Variants in GAS2 observed in about 807,000 individuals in gnomAD.
The protein encoded by GAS2 is growth arrest-specific protein 2.
In GAS2, 20 loss-of-function variants were observed where a neutral mutation model predicts 37.5. That is an observed-to-expected ratio of 0.53 (90% confidence interval 0.37 to 0.77). The LOEUF (loss-of-function observed/expected upper bound fraction) is 0.77. Ranked by LOEUF, GAS2 falls within the 30% of genes least tolerant of loss-of-function variation. The pLI, the probability that GAS2 is intolerant of heterozygous loss-of-function variation, is 0.00. For missense variants in GAS2, 336 were observed against 373.4 expected (o/e 0.90, Z 0.82); for synonymous variants, 144 against 132.2 (o/e 1.09, Z -0.61).
At chr11:22,650,069 C>T (rs1848754525) in intron 1 of GAS2, among the ~76,000 whole-genome samples, 1 of 151,728 alleles carries the variant, frequency 6.6e-6, no homozygotes, top group Non-Finnish European at 1.5e-5. Context: ...CTATAAATTT[C>T]CCTCTACACA....
At chr11:22,751,981 T>C (rs10766964) in intron 6 of GAS2, among the ~76,000 whole-genome samples, 140,591 of 152,006 alleles carry the variant, frequency 0.92, 65,976 homozygotes, top group East Asian at 1. Context: ...GAATTTAGAA[T>C]ATAAACATCT....
chr11:22,708,989 G>A (rs1851263502), intron 3 of GAS2, among the ~76,000 whole-genome samples: 1 of 152,148 alleles, frequency 6.6e-6, no homozygotes, highest in African/African-American at 2.4e-5. Context: ...ACAAATGCTA[G>A]CATGGCTACA....
chr11:22,681,441 C>G (rs372476190), intron 2 of GAS2, among the ~76,000 whole-genome samples: 3 of 152,120 alleles, frequency 2.0e-5, no homozygotes, highest in African/African-American at 7.2e-5. Context: ...TCAAATATCG[C>G]AATTATAAAT....
chr11:22,745,902 G>A (rs373617092), intron 5 of GAS2, among the ~76,000 whole-genome samples: 38 of 152,202 alleles, frequency 2.5e-4, no homozygotes, highest in Middle Eastern at 6.8e-3. Flanking sequence ...AGGCACAATG[G>A]CTGACACCTG....
At chr11:22,705,564 T>C (rs1851074375) in intron 3 of GAS2, among the ~76,000 whole-genome samples, 1 of 152,184 alleles carries the variant, frequency 6.6e-6, no homozygotes, top group African/African-American at 2.4e-5. Flanking sequence ...TATGAACATA[T>C]AATAATATAG....
chr11:22,768,512 C>A (rs1397188176), intron 7 of GAS2, among the ~76,000 whole-genome samples: 1 of 152,210 alleles, frequency 6.6e-6, no homozygotes, highest in Non-Finnish European at 1.5e-5. Context: ...TTATGGAAAA[C>A]TGCCTTCTCT....
At chr11:22,651,050 C>G (rs960934406) in intron 1 of GAS2, among the ~76,000 whole-genome samples, 1 of 152,180 alleles carries the variant, frequency 6.6e-6, no homozygotes, top group Non-Finnish European at 1.5e-5. Flanking sequence ...TTTGCAGCAG[C>G]TGGTATCGGT....
Position 22,661,277 on chromosome 11 carries a change from C to A in GAS2, c.-20-13573C>A, listed in dbSNP as rs564720424. Among the ~76,000 whole-genome samples the A allele has an allele frequency of 5.5e-4, 84 of 152,258 alleles. 2 individuals are homozygous for A. In the South Asian group the frequency reaches 0.017, roughly 30 times the overall value. On this transcript the variant is annotated intron_variant, in intron 1 of 5. Coordinates refer to the GAS2 transcript ENST00000528582. ...AGTTCTTGCTGAATCCCGTCTATCA[C>A]CCAATGGCACCCACTTTTTCCTCCC...
chr11:22,637,756 T>G (rs1858856573), intron 1 of GAS2, among the ~76,000 whole-genome samples: 2 of 144,872 alleles, frequency 1.4e-5, no homozygotes, highest in Non-Finnish European at 3.0e-5. Context: ...TAAATGTAAA[T>G]TAATTTATAT....
intron 7 of GAS2, among the ~76,000 whole-genome samples, chr11:22,804,906 G>GGAAGAGTTCTTGGATGAAGTATATA (rs1412460227): frequency 1.3e-5 from 2 of 152,102 alleles, no homozygotes; most frequent in Non-Finnish European, 1.5e-5. Context: ...TCTGTGAGAT[G>GGAAGAGTTCTTGGATGAAGTATATA]GAAGAGTTCT....
At chr11:22,732,420 A>T (rs530417715) in intron 4 of GAS2, among the ~76,000 whole-genome samples, 1 of 151,868 alleles carries the variant, frequency 6.6e-6, no homozygotes, top group South Asian at 2.1e-4. Flanking sequence ...TGGATGCCAT[A>T]TTCTATTTTA....
Position 22,727,718 on chromosome 11 carries a change from T to C in GAS2, c.409+1285T>C, listed in dbSNP as rs114621939. On this transcript the variant is annotated intron_variant, in intron 4 of 7. Transcript: ENST00000454584. ...AAATAAATCAGCTTTTGATTATTAT[T>C]ACCATTTCCTCATATCAAAGTAAAA... 7.2e-3 allele frequency among the ~76,000 whole-genome samples: 1,093 copies of C among 152,170 alleles called. 21 individuals are homozygous for C. The highest frequency in any genetic ancestry group is 0.025 in the African/African-American group (1,036 of 41,550).
At chr11:22,709,119 A>C (rs531667251) in intron 3 of GAS2, among the ~76,000 whole-genome samples, 70 of 152,148 alleles carry the variant, frequency 4.6e-4, no homozygotes, top group Non-Finnish European at 8.4e-4. Flanking sequence ...GAAGATTTTT[A>C]AGCAGAGAAA....
At chr11:22,722,706 T>C (rs752068033) in intron 3 of GAS2, among the ~76,000 whole-genome samples, 4 of 151,916 alleles carry the variant, frequency 2.6e-5, no homozygotes, top group Admixed American at 6.6e-5. Flanking sequence ...ACATGTCCCT[T>C]GGGGATGTAA....
chr11:22,737,812 A>C lies in GAS2; in HGVS notation c.473+44A>C, dbSNP rs749016095. On this transcript the variant is annotated intron_variant, in intron 5 of 7. Coordinates refer to ENST00000454584, the MANE Select transcript of GAS2 (RefSeq NM_001143830.3). The stretch of plus-strand genomic sequence containing the variant: ...ACTATGTCAAGACATTGACGATTTC[A>C]GCATCCAAGCAACACAGAAGCTTGC... The C allele has an allele frequency of 3.2e-6, 5 of 1,546,408 alleles. No homozygotes were observed. The South Asian group carries it at 4.5e-5, about 14-fold the overall frequency.
chr11:22,670,138 T>C (rs1348636237), intron 1 of GAS2, among the ~76,000 whole-genome samples: 4 of 152,196 alleles, frequency 2.6e-5, no homozygotes, highest in Non-Finnish European at 4.4e-5. Context: ...GGTAACGTGA[T>C]TGACCAATAA....
intron 1 of GAS2, among the ~76,000 whole-genome samples, chr11:22,640,186 T>A (rs999865794): frequency 6.6e-6 from 1 of 152,174 alleles, no homozygotes; most frequent in South Asian, 2.1e-4. Flanking sequence ...AAATCTGTTT[T>A]CACAAATTTG....
chr11:22,634,192 G>A (rs1309328466), intron 1 of GAS2, among the ~76,000 whole-genome samples: 2 of 152,154 alleles, frequency 1.3e-5, no homozygotes, highest in Non-Finnish European at 2.9e-5. Flanking sequence ...TGAGAGCCAA[G>A]TGAAAGGGGT....
At chr11:22,665,117 T>G (rs1213093785), upstream of GAS2, among the ~76,000 whole-genome samples, 1 of 152,138 alleles carries the variant, frequency 6.6e-6, no homozygotes, top group Non-Finnish European at 1.5e-5. Flanking sequence ...TATTTAGCAT[T>G]GTTCCTGAAT....
Sources: gnomAD v4.1 joint callset for allele counts (sites outside exome capture counted in the v4.1 genomes callset) on GRCh38, gnomAD v4.1.1 for gene constraint, MANE v1.5 for transcripts, NCBI Gene and HGNC (gene_info 2026-07-23, HGNC 2026-07-21) for gene names.